Variants in DPY19L3 observed in about 807,000 individuals in gnomAD.
DPY19L3 encodes protein C-mannosyl-transferase DPY19L3.
DPY19L3 carries 51 observed loss-of-function variants against 92.3 expected under a neutral mutation model. That is an observed-to-expected ratio of 0.55 (90% confidence interval 0.44 to 0.70). The LOEUF (loss-of-function observed/expected upper bound fraction) is 0.70, where lower values mean the gene tolerates loss of function less well. Among genes scored for constraint, DPY19L3 ranks in the 30% least tolerant of loss-of-function variants. DPY19L3 has a pLI of 0.00. For missense variants in DPY19L3, 706 were observed against 855.9 expected (o/e 0.82, Z 2.18); for synonymous variants, 309 against 315.2 (o/e 0.98, Z 0.21).
chr19:32,437,405 C>T lies in DPY19L3; in HGVS notation c.596+66C>T, dbSNP rs867708355. ...AAGTAAAAATGAAGTCACTTCATTT[C>T]CAGCTCAGAGAAATTTCTTCTGCCA... is the stretch of plus-strand genomic sequence containing the variant. On this transcript the variant is annotated intron_variant, in intron 6 of 18. Coordinates refer to ENST00000392250, the MANE Select transcript of DPY19L3 (RefSeq NM_001172774.2). 11 of 1,523,408 alleles carry T rather than the reference C, an allele frequency of 7.2e-6. 1 individual carries two copies. In the Middle Eastern group the frequency reaches 2.0e-3, roughly 271 times the overall value. 94.4% of individuals were successfully genotyped at this position (1,523,408 alleles called of 1,614,324 possible). A position where few individuals can be genotyped will look rare whatever the true frequency, so the allele number is the denominator to read the frequency against.
At chr19:32,409,199 T>G (rs554970714) in intron 2 of DPY19L3, among the ~76,000 whole-genome samples, 66 of 152,284 alleles carry the variant, frequency 4.3e-4, no homozygotes, top group Non-Finnish European at 8.2e-4. Flanking sequence ...AGAAATATAC[T>G]CCCATCCTGA....
intron 8 of DPY19L3, among the ~76,000 whole-genome samples, chr19:32,450,144 G>A (rs765853622): frequency 3.3e-5 from 5 of 152,060 alleles, no homozygotes; most frequent in Non-Finnish European, 5.9e-5. Context: ...GATGCTCAGC[G>A]TCATTAGCTA....
intron 8 of DPY19L3, among the ~76,000 whole-genome samples, chr19:32,445,495 G>A (rs1158430300): frequency 1.5e-5 from 2 of 134,142 alleles, no homozygotes; most frequent in African/African-American, 5.6e-5. Flanking sequence ...TAGTTAAAAT[G>A]TCCTTCAGGA....
At position 32,464,724 on chromosome 19, in the gene DPY19L3, A is replaced by G. The variant is rs754503059; in HGVS notation, c.1558-4A>G. 12 of 1,424,346 alleles carry G rather than the reference A, an allele frequency of 8.4e-6. No individual in the cohort carries two copies. Among genetic ancestry groups the G allele is most frequent in the Non-Finnish European group, 1.2e-5 (12 of 1,039,884 alleles). 88.2% of individuals were successfully genotyped at this position (1,424,346 alleles called of 1,614,324 possible). ...ATAATCTAAATAATGTCTTTCTTATATAGATATGTATAATGCGATATTCAG... is the reference window on the plus strand; with the variant it reads ...ATAATCTAAATAATGTCTTTCTTATGTAGATATGTATAATGCGATATTCAG... On this transcript the variant is annotated splice_region_variant and splice_polypyrimidine_tract_variant and intron_variant, in intron 14 of 18. Transcript: ENST00000392250.
intron 10 of DPY19L3, among the ~76,000 whole-genome samples, chr19:32,457,625 A>C (rs904549693): frequency 6.6e-6 from 1 of 152,224 alleles, no homozygotes; most frequent in Admixed American, 6.5e-5. Flanking sequence ...CCACCCCTTC[A>C]GGGTTACAAC....
rs1055824206 is a variant in DPY19L3 at position 32,411,152 on chromosome 19, T to G, written c.104-87T>G. 3 of 1,412,584 alleles carry G rather than the reference T, an allele frequency of 2.1e-6. No individual in the cohort carries two copies. The East Asian group carries it at 6.9e-5, about 32-fold the overall frequency. The allele number at this position is 1,412,584 out of a possible 1,614,324, so 87.5% of individuals were successfully genotyped here. A position where few individuals can be genotyped will look rare whatever the true frequency, so the allele number is the denominator to read the frequency against. ...CTTTCCCAGTGACAGGCAGCTAGAC[T>G]TAGCTTACTTGATAATCTGAAGTAG... On this transcript the variant is annotated intron_variant, in intron 2 of 18. Coordinates refer to ENST00000392250, the MANE Select transcript of DPY19L3 (RefSeq NM_001172774.2).
chr19:32,482,030 TA>T, intron 18 of DPY19L3, 48 bp from the exon 19 acceptor site: 1 of 1,593,354 alleles, frequency 6.3e-7, no homozygotes, highest in Middle Eastern at 1.7e-4. Flanking sequence ...CTGTCTTTTG[TA>T]AATAGAATTT....
intron 2 of DPY19L3, among the ~76,000 whole-genome samples, chr19:32,410,760 G>A (rs191508294): frequency 6.6e-6 from 1 of 152,252 alleles, no homozygotes; most frequent in Non-Finnish European, 1.5e-5. Context: ...TCCATCTTGG[G>A]CAACAGAACA....
At position 32,447,090 on chromosome 19, in the gene DPY19L3, C is replaced by G. The variant is rs189904681; in HGVS notation, c.856-6055C>G. On this transcript the variant is annotated intron_variant, in intron 8 of 18. Coordinates refer to ENST00000392250, the MANE Select transcript of DPY19L3 (RefSeq NM_001172774.2). ...TTTCAATACTTGGGAATTAAGCTCA[C>G]TATTACATCTATAGTAGTAATAGCC... is the stretch of plus-strand genomic sequence containing the variant. 2.0e-5 allele frequency among the ~76,000 whole-genome samples: 3 copies of G among 152,254 alleles called. No homozygotes were observed. In the East Asian group the frequency reaches 5.8e-4, roughly 29 times the overall value.
At chr19:32,468,868 T>C (rs1429664220) in intron 16 of DPY19L3, 55 bp downstream of exon 16, 1 of 1,528,682 alleles carries the variant, frequency 6.5e-7, no homozygotes, top group Non-Finnish European at 8.9e-7. Context: ...AGAGTCACTA[T>C]AGACCACATT....
At chr19:32,437,000 C>T (rs1969163631) in intron 5 of DPY19L3, among the ~76,000 whole-genome samples, 194 bp from the exon 6 acceptor site, 1 of 151,726 alleles carries the variant, frequency 6.6e-6, no homozygotes, top group Non-Finnish European at 1.5e-5. Context: ...CACGGACTTC[C>T]TTCCCCTGTC....
At chr19:32,434,427 C>G (rs1034216408) in intron 4 of DPY19L3, among the ~76,000 whole-genome samples, 2 of 152,104 alleles carry the variant, frequency 1.3e-5, no homozygotes, top group Non-Finnish European at 2.9e-5. Flanking sequence ...GAGGCCGAGG[C>G]GGATGGATCA....
rs1568366005 is a variant in DPY19L3 at position 32,482,069 on chromosome 19, T to G, written c.1990-10T>G. The G allele has an allele frequency of 1.9e-6, 3 of 1,605,092 alleles. No homozygotes were observed. Among genetic ancestry groups the G allele is most frequent in the East Asian group, 2.2e-5 (1 of 44,826 alleles). On this transcript the variant is annotated splice_polypyrimidine_tract_variant and intron_variant, in intron 18 of 18. Transcript: ENST00000392250. Reference sequence around the variant, plus strand: ...CCCCCAAATTGTATTTGGGTTTGTTTTGGTTTTAGATGATGGATGGCCCAG... The same window carrying G: ...CCCCCAAATTGTATTTGGGTTTGTTGTGGTTTTAGATGATGGATGGCCCAG...
intron 3 of DPY19L3, among the ~76,000 whole-genome samples, chr19:32,413,409 T>C (rs117863085): frequency 0.029 from 4,375 of 152,190 alleles, 83 homozygotes; most frequent in Non-Finnish European, 0.045. Context: ...TATATATCTT[T>C]ATACAAATTA....
chr19:32,427,992 G>A (rs1299749127), intron 3 of DPY19L3: 1 of 100,238 alleles, frequency 1.0e-5, no homozygotes, highest in African/African-American at 4.0e-5. Context: ...TTTTTTTTGA[G>A]ACAGAGTTTC....
At chr19:32,474,540 C>A (rs116615916) in intron 16 of DPY19L3, among the ~76,000 whole-genome samples, 1 of 152,224 alleles carries the variant, frequency 6.6e-6, no homozygotes, top group African/African-American at 2.4e-5. Context: ...AGGCTCACTA[C>A]AGCACTGGGT....
In DPY19L3 at chr19:32,463,908, A is replaced by G; in HGVS notation, c.1485A>G (p.Ala495=). 1 of 1,613,794 alleles carries G rather than the reference A, an allele frequency of 6.2e-7. No homozygotes were observed. The highest frequency in any genetic ancestry group is 2.2e-5 in the East Asian group (1 of 44,878). ...GGACGTCACACATGTGTGTGTTCGC[A>G]TCATTCGGCCTATGTAGCCCTGAAA... is the stretch of plus-strand genomic sequence containing the variant. ...YLWTSHMCVF[A]SFGLCSPEIW... The change falls in exon 14 of 19, where the codon GCA becomes GCG. Residue 495 remains alanine, a synonymous_variant. Transcript: ENST00000392250.
At chr19:32,448,617 T>TG (rs1969595803) in intron 8 of DPY19L3, among the ~76,000 whole-genome samples, 1 of 152,240 alleles carries the variant, frequency 6.6e-6, no homozygotes, top group African/African-American at 2.4e-5. Flanking sequence ...ATATACTTAC[T>TG]GTTTATTAAG....
chr19:32,459,520 C>T (rs1210326040), intron 12 of DPY19L3, among the ~76,000 whole-genome samples: 1 of 152,138 alleles, frequency 6.6e-6, no homozygotes, highest in African/African-American at 2.4e-5. Flanking sequence ...TTTTACTATC[C>T]TTGAGAAGTG....
Sources: allele counts gnomAD v4.1 joint callset (sites outside exome capture counted in the v4.1 genomes callset), GRCh38; gene constraint gnomAD v4.1.1; transcripts MANE v1.5; gene names NCBI Gene and HGNC (gene_info 2026-07-23, HGNC 2026-07-21).